ERC2: variants seen among roughly 807,000 people sequenced by gnomAD.
ERC2 encodes the protein ERC protein 2.
Under a neutral mutation model 114.8 loss-of-function variants are expected in ERC2, and 42 were observed. The observed-to-expected ratio is 0.37, with a 90% confidence interval of 0.29 to 0.47. The LOEUF (loss-of-function observed/expected upper bound fraction) is 0.47, where lower values mean the gene tolerates loss of function less well. ERC2 is among the 20% of genes least tolerant of loss of function. The pLI is 0.99. For synonymous variants in ERC2, 454 were observed against 425.5 expected, an observed-to-expected ratio of 1.07 and a Z score of -0.82; for missense variants, 939 against 1,150.7, an observed-to-expected ratio of 0.82 and a Z score of 2.66.
chr3:55,725,535 A>G (rs2064858812), intron 15 of ERC2, among the ~76,000 whole-genome samples: 2 of 152,190 alleles, frequency 1.3e-5, no homozygotes, highest in Non-Finnish European at 1.5e-5. Context: ...ACTTTGTCCT[A>G]TTTTATCTTT....
At chr3:56,266,049 A>G (rs1414332894) in intron 3 of ERC2, among the ~76,000 whole-genome samples, 1 of 146,724 alleles carries the variant, frequency 6.8e-6, no homozygotes, top group African/African-American at 2.5e-5. Flanking sequence ...ATAAAATAAA[A>G]TAAAATAAAA....
chr3:55,859,858 G>A (rs1409095844), intron 14 of ERC2, among the ~76,000 whole-genome samples: 3 of 151,946 alleles, frequency 2.0e-5, no homozygotes, highest in Admixed American at 1.3e-4. Flanking sequence ...GACAAACCAG[G>A]GGGATGACAC....
chr3:55,948,697 CA>C (rs1559916113), intron 13 of ERC2, among the ~76,000 whole-genome samples: 3 of 152,076 alleles, frequency 2.0e-5, no homozygotes, highest in African/African-American at 7.2e-5. Flanking sequence ...TATTGCTATA[CA>C]AAAGTTCATG....
chr3:55,770,866 A>G (rs140545850), intron 14 of ERC2, among the ~76,000 whole-genome samples: 4,134 of 150,660 alleles, frequency 0.027, 84 homozygotes, highest in Middle Eastern at 0.075. Context: ...TCATTGTTCA[A>G]CTCCCACCTA....
At chr3:55,561,323 T>C (rs1371121687) in intron 17 of ERC2, among the ~76,000 whole-genome samples, 1 of 152,090 alleles carries the variant, frequency 6.6e-6, no homozygotes, top group Non-Finnish European at 1.5e-5. Context: ...TTGGACAAGC[T>C]CAGAGGTTTT....
chr3:56,149,230 T>C, intron 4 of ERC2, 98 bp from the exon 5 acceptor site: 2 of 1,179,948 alleles, frequency 1.7e-6, no homozygotes, highest in African/African-American at 1.5e-5. Context: ...GGTAGTGCTG[T>C]CACATATTAA....
At chr3:56,103,031 T>C (rs1364421985) in intron 6 of ERC2, among the ~76,000 whole-genome samples, 1 of 152,048 alleles carries the variant, frequency 6.6e-6, no homozygotes, top group African/African-American at 2.4e-5. Flanking sequence ...AACATCCCAA[T>C]AAATGTTGGT....
intron 14 of ERC2, among the ~76,000 whole-genome samples, chr3:55,875,724 A>ACACACACACACACACTCT (rs1491351730): frequency 2.8e-5 from 4 of 141,104 alleles, no homozygotes; most frequent in African/African-American, 1.1e-4. Context: ...ACACACACAC[A>ACACACACACACACACTCT]CTCTCTCTCT....
rs190356951 is a variant in ERC2 at position 56,224,223 on chromosome 3, T to G, written c.1075-50703A>C. Among the ~76,000 whole-genome samples, 9 of 152,292 alleles carry G rather than the reference T, an allele frequency of 5.9e-5. No homozygotes were observed. In the East Asian group the frequency reaches 1.7e-3, roughly 29 times the overall value. On this transcript the variant is annotated intron_variant, in intron 3 of 17. Transcript: ENST00000288221. Reference sequence around the variant, plus strand: ...ATTTATAAGGGAATGTGGTAAAATTTTAATTAATTGTCCCACCAATCCCAC... The same window carrying G: ...ATTTATAAGGGAATGTGGTAAAATTGTAATTAATTGTCCCACCAATCCCAC...
chr3:55,833,150 G>C (rs560569660), intron 14 of ERC2, among the ~76,000 whole-genome samples: 18 of 150,166 alleles, frequency 1.2e-4, no homozygotes, highest in African/African-American at 4.0e-4. Flanking sequence ...ACCTGAAAGT[G>C]ACGGGGAGAA....
At chr3:56,122,830 C>T (rs757785821) in intron 6 of ERC2, among the ~76,000 whole-genome samples, 1 of 152,186 alleles carries the variant, frequency 6.6e-6, no homozygotes, top group African/African-American at 2.4e-5. Context: ...CAACACCCTC[C>T]TGTCTCTCCA....
intron 3 of ERC2, among the ~76,000 whole-genome samples, chr3:56,273,190 T>C (rs892978871): frequency 6.6e-6 from 1 of 152,024 alleles, no homozygotes; most frequent in Non-Finnish European, 1.5e-5. Flanking sequence ...TACGGCAGCA[T>C]GAACAGAGGC....
At chr3:56,305,025 A>G (rs1009993086) in intron 2 of ERC2, among the ~76,000 whole-genome samples, 7 of 152,232 alleles carry the variant, frequency 4.6e-5, no homozygotes, top group Non-Finnish European at 8.8e-5. Context: ...AAAAAATAAT[A>G]ATTCAAAAGA....
At chr3:55,923,106 A>C (rs1218694779) in intron 13 of ERC2, among the ~76,000 whole-genome samples, 1 of 152,174 alleles carries the variant, frequency 6.6e-6, no homozygotes, top group Non-Finnish European at 1.5e-5. Context: ...ATGATTCACA[A>C]TAGCCAGGAA....
chr3:56,037,359 T>A (rs2074872804), intron 7 of ERC2, among the ~76,000 whole-genome samples: 1 of 152,098 alleles, frequency 6.6e-6, no homozygotes, highest in African/African-American at 2.4e-5. Context: ...GGAACATAAA[T>A]GACTTGATAG....
chr3:56,193,907 G>C (rs1402235011), intron 3 of ERC2, among the ~76,000 whole-genome samples: 1 of 152,134 alleles, frequency 6.6e-6, no homozygotes, highest in Non-Finnish European at 1.5e-5. Context: ...CTATGTTTAT[G>C]GTCCTATTTG....
chr3:55,661,853 C>T (rs1244011775), intron 17 of ERC2, among the ~76,000 whole-genome samples: 1 of 152,018 alleles, frequency 6.6e-6, no homozygotes, highest in East Asian at 1.9e-4. Context: ...GTGGGCCCAC[C>T]TCCTTTCCTG....
At chr3:56,440,691 C>CT (rs2062258365) in intron 1 of ERC2, among the ~76,000 whole-genome samples, 1 of 152,092 alleles carries the variant, frequency 6.6e-6, no homozygotes, top group Admixed American at 6.6e-5. Flanking sequence ...CTTCCAATTC[C>CT]TTTTAAGTGT....
At chr3:56,107,317 G>A (rs1206675485) in intron 6 of ERC2, among the ~76,000 whole-genome samples, 2 of 148,878 alleles carry the variant, frequency 1.3e-5, no homozygotes, top group Admixed American at 6.8e-5. Flanking sequence ...GCTAGCATAA[G>A]AATGCTGACT....
Sources: allele counts gnomAD v4.1 joint callset (sites outside exome capture counted in the v4.1 genomes callset), GRCh38; gene constraint gnomAD v4.1.1; transcripts MANE v1.5; gene names NCBI Gene and HGNC (gene_info 2026-07-23, HGNC 2026-07-21).